Variants in FAM135A observed in about 807,000 individuals in gnomAD.
FAM135A encodes the protein family with sequence similarity 135 member A, also known as protein FAM135A.
FAM135A carries 79 observed loss-of-function variants against 146.8 expected under a neutral mutation model. The observed-to-expected ratio is 0.54, with a 90% CI of 0.45 to 0.65. The LOEUF is 0.65. Ranked by LOEUF, FAM135A falls within the 30% of genes least tolerant of loss-of-function variation. The probability of loss-of-function intolerance (pLI) is 0.00; values close to 1 mark genes in which losing one functional copy is unlikely to be tolerated. For synonymous variants in FAM135A, 562 were observed against 603.6 expected (o/e 0.93, Z 1.01); for missense variants, 1,623 against 1,758.2 (o/e 0.92, Z 1.38).
At chr6:70,518,641 T>C (rs1429338819) in intron 12 of FAM135A, among the ~76,000 whole-genome samples, 1 of 152,190 alleles carries the variant, frequency 6.6e-6, no homozygotes, top group Non-Finnish European at 1.5e-5. Flanking sequence ...TTGAAGCCAG[T>C]ACTCATTTAC....
Position 70,559,900 on chromosome 6 carries a change from T to C in FAM135A, c.4527T>C (p.Ala1509=). ...TTTTAGAGAAATTCTTTCTGGTTGC[T>C]GCCCTCAAATATTTCCAATAGTATA... The part of the protein sequence containing the change: ...EIFLEKFFLV[A]ALKYFQ Residue 1509 remains alanine, a synonymous_variant, in exon 22 of 22, where the codon GCT becomes GCC. Coordinates refer to ENST00000418814, the MANE Select transcript of FAM135A (RefSeq NM_001162529.3). The C allele has an allele frequency of 6.2e-7, 1 of 1,613,414 alleles. No individual in the cohort carries two copies. Among genetic ancestry groups the C allele is most frequent in the Non-Finnish European group, 8.5e-7 (1 of 1,179,668 alleles).
intron 20 of FAM135A, among the ~76,000 whole-genome samples, chr6:70,546,369 C>A (rs1051795985): frequency 6.6e-6 from 1 of 152,098 alleles, no homozygotes; most frequent in Admixed American, 6.6e-5. Context: ...AGCGAATTTT[C>A]CGTTCTTTTG....
chr6:70,515,790 G>T (rs941481281), intron 12 of FAM135A, among the ~76,000 whole-genome samples: 5 of 152,038 alleles, frequency 3.3e-5, no homozygotes, highest in African/African-American at 1.2e-4. Flanking sequence ...TTCATCAGTT[G>T]AAACAAATGT....
At chr6:70,435,105 A>T (rs55701149) in intron 4 of FAM135A, among the ~76,000 whole-genome samples, 23 of 84,838 alleles carry the variant, frequency 2.7e-4, no homozygotes, top group African/African-American at 1.1e-3. Context: ...ATATATATAT[A>T]TATATTTTTT....
intron 21 of FAM135A, among the ~76,000 whole-genome samples, chr6:70,558,343 A>G (rs1462053914): frequency 6.6e-6 from 1 of 152,170 alleles, no homozygotes; most frequent in Non-Finnish European, 1.5e-5. Context: ...ACCTCTCTAA[A>G]GCTCACACGT....
chr6:70,417,259 CTT>C (rs746838449), intron 2 of FAM135A, among the ~76,000 whole-genome samples: 20 of 141,138 alleles, frequency 1.4e-4, no homozygotes, highest in East Asian at 2.0e-4. Context: ...TAGACTGGGA[CTT>C]TTTTTTTTTT....
intron 16 of FAM135A, among the ~76,000 whole-genome samples, chr6:70,529,400 C>G (rs949551659): frequency 2.0e-5 from 3 of 149,258 alleles, no homozygotes; most frequent in Non-Finnish European, 3.0e-5. Context: ...AACAAATGTC[C>G]CTGGTACTAA....
intron 4 of FAM135A, among the ~76,000 whole-genome samples, chr6:70,451,349 T>C (rs894038091): frequency 3.5e-4 from 53 of 152,184 alleles, no homozygotes; most frequent in African/African-American, 1.2e-3. Flanking sequence ...AAAATAGCAA[T>C]ATTTTGCTTG....
At chr6:70,551,255 G>A (rs750997727) in intron 20 of FAM135A, among the ~76,000 whole-genome samples, 22 of 152,140 alleles carry the variant, frequency 1.4e-4, no homozygotes, top group African/African-American at 2.9e-4. Flanking sequence ...GCTTTTCAGC[G>A]TGTCTTGGCT....
In FAM135A at chr6:70,492,994, T is replaced by C. The variant is rs530035861; in HGVS notation, c.873+1911T>C. Among the ~76,000 whole-genome samples the C allele has an allele frequency of 5.3e-5, 8 of 152,172 alleles. No homozygotes were observed. The East Asian group carries it at 1.5e-3, about 29-fold the overall frequency. On this transcript the variant is annotated intron_variant, in intron 11 of 21. Transcript: ENST00000418814. The stretch of plus-strand genomic sequence containing the variant: ...CAGCAGTTTTTATTTGATAATCTGT[T>C]CTACAAAAATACTCATAAATGTACA...
At chr6:70,519,695 A>G (rs1004967355) in intron 12 of FAM135A, among the ~76,000 whole-genome samples, 1 of 152,242 alleles carries the variant, frequency 6.6e-6, no homozygotes, top group Non-Finnish European at 1.5e-5. Flanking sequence ...TTTAAAGTAT[A>G]CACATTGGCT....
intron 2 of FAM135A, among the ~76,000 whole-genome samples, chr6:70,424,755 G>A (rs191071579): frequency 1.4e-4 from 22 of 152,238 alleles, no homozygotes; most frequent in Admixed American, 5.2e-4. Context: ...CCAACACCCG[G>A]TATTGTGGCA....
At chr6:70,507,108 C>G (rs117666546) in intron 12 of FAM135A, among the ~76,000 whole-genome samples, 1,537 of 152,096 alleles carry the variant, frequency 0.01, 10 homozygotes, top group Admixed American at 0.016. Context: ...TCCCTTTTCT[C>G]ACCCCATTCC....
intron 16 of FAM135A, among the ~76,000 whole-genome samples, chr6:70,528,736 A>G (rs1012711826): frequency 1.3e-5 from 2 of 151,666 alleles, no homozygotes; most frequent in African/African-American, 4.9e-5. Context: ...GTTCTGGGAT[A>G]CATACGCAGA....
intron 4 of FAM135A, among the ~76,000 whole-genome samples, chr6:70,435,344 A>T (rs1281632846): frequency 9.2e-5 from 14 of 152,012 alleles, no homozygotes; most frequent in South Asian, 2.1e-4. Flanking sequence ...ACCTTAGGTG[A>T]TCCGCCCTCC....
At chr6:70,496,405 C>T (rs1787277821) in intron 11 of FAM135A, among the ~76,000 whole-genome samples, 2 of 151,904 alleles carry the variant, frequency 1.3e-5, no homozygotes, top group South Asian at 4.2e-4. Flanking sequence ...AGATATTAGC[C>T]CTTTGTCAGA....
At chr6:70,478,858 A>G (rs1302049654) in intron 8 of FAM135A, among the ~76,000 whole-genome samples, 1 of 152,110 alleles carries the variant, frequency 6.6e-6, no homozygotes, top group Admixed American at 6.6e-5. Context: ...ATTTTATTAT[A>G]AACTTAAAAT....
chr6:70,532,686 A>T (rs933417716), intron 16 of FAM135A, among the ~76,000 whole-genome samples: 1 of 152,240 alleles, frequency 6.6e-6, no homozygotes, highest in Non-Finnish European at 1.5e-5. Context: ...TAATCCCAGC[A>T]CTTTGGGAGG....
At position 70,556,879 on chromosome 6, in the gene FAM135A, T is replaced by A. The variant is rs201611674; in HGVS notation, c.4342+16T>A. On this transcript the variant is annotated intron_variant, in intron 21 of 21. Transcript: ENST00000418814. Reference sequence around the variant, plus strand: ...AAACAGTCAGGTAATGGAATAAAATTATTTCAAAGAGTTATAGGTATTAAT... The same window carrying A: ...AAACAGTCAGGTAATGGAATAAAATAATTTCAAAGAGTTATAGGTATTAAT... 2.5e-6 allele frequency: 4 copies of A among 1,605,748 alleles called. No homozygotes were observed. In the East Asian group the frequency reaches 8.9e-5, roughly 36 times the overall value.
Sources: gnomAD v4.1 joint callset for allele counts (sites outside exome capture counted in the v4.1 genomes callset) on GRCh38, gnomAD v4.1.1 for gene constraint, MANE v1.5 for transcripts, NCBI Gene and HGNC (gene_info 2026-07-23, HGNC 2026-07-21) for gene names.